SRGAP3: variants seen among roughly 807,000 people sequenced by gnomAD.
The protein encoded by SRGAP3 is SLIT-ROBO Rho GTPase activating protein 3.
Under a neutral mutation model 121.1 loss-of-function variants are expected in SRGAP3, and 39 were observed. The observed-to-expected ratio is 0.32, with a 90% CI of 0.25 to 0.42. The LOEUF is 0.42. Ranked by LOEUF, SRGAP3 falls within the 10% of genes least tolerant of loss-of-function variation. The pLI, the probability that SRGAP3 is intolerant of heterozygous loss-of-function variation, is 1.00. For synonymous variants in SRGAP3, 601 were observed against 570.0 expected (o/e 1.05, Z -0.77); for missense variants, 1,213 against 1,470.6 (o/e 0.82, Z 2.86).
At chr3:9,072,269 T>A (rs1430048868) in intron 4 of SRGAP3, among the ~76,000 whole-genome samples, 1 of 152,210 alleles carries the variant, frequency 6.6e-6, no homozygotes, top group Non-Finnish European at 1.5e-5. Context: ...GTCGATCAGA[T>A]ACCATCTCTT....
intron 1 of SRGAP3, among the ~76,000 whole-genome samples, chr3:9,127,941 AGGAGG>A (rs1166027672): frequency 6.4e-5 from 9 of 141,536 alleles, no homozygotes; most frequent in South Asian, 5.1e-4. Flanking sequence ...GTGAGGAGAG[AGGAGG>A]GGAGGGGAGG....
intron 1 of SRGAP3, among the ~76,000 whole-genome samples, chr3:9,136,172 C>T (rs1949639629): frequency 6.6e-6 from 1 of 152,180 alleles, no homozygotes; most frequent in Non-Finnish European, 1.5e-5. Flanking sequence ...GCCTGGCCCA[C>T]GTTTCGCTCC....
At chr3:9,211,299 G>C (rs1199864904) in intron 1 of SRGAP3, among the ~76,000 whole-genome samples, 1 of 152,134 alleles carries the variant, frequency 6.6e-6, no homozygotes, top group Non-Finnish European at 1.5e-5. Context: ...AAGATGTATG[G>C]AATCTCTCAT....
upstream of SRGAP3, among the ~76,000 whole-genome samples, chr3:9,252,602 CCA>C (rs1235628932): frequency 1.3e-5 from 2 of 152,106 alleles, no homozygotes; most frequent in African/African-American, 2.4e-5. Context: ...AAATCCATCA[CCA>C]CACACAATAA....
intron 1 of SRGAP3, chr3:9,348,835 C>A: frequency 7.5e-7 from 1 of 1,336,130 alleles, no homozygotes; most frequent in Non-Finnish European, 1.1e-6. Flanking sequence ...ACCATCCTTT[C>A]TACAACATCA....
At chr3:9,360,922 C>T (rs1442823672) in intron 1 of SRGAP3, among the ~76,000 whole-genome samples, 1 of 152,176 alleles carries the variant, frequency 6.6e-6, no homozygotes, top group Non-Finnish European at 1.5e-5. Flanking sequence ...TCCATTGCCC[C>T]ACATACTCAT....
intron 8 of SRGAP3, among the ~76,000 whole-genome samples, chr3:9,054,417 A>C (rs1945724192): frequency 6.6e-6 from 1 of 150,416 alleles, no homozygotes; most frequent in Non-Finnish European, 1.5e-5. Flanking sequence ...TTAGACAATA[A>C]CTTAACTCTT....
At chr3:9,302,972 A>ACCATTT (rs752831794) in intron 3 of SRGAP3, among the ~76,000 whole-genome samples, 87 of 139,928 alleles carry the variant, frequency 6.2e-4, no homozygotes, top group Non-Finnish European at 1.1e-3. Context: ...CACTTTTGAA[A>ACCATTT]TAGTAAATGG....
chr3:8,988,147 G>A (rs1470333667), intron 21 of SRGAP3, among the ~76,000 whole-genome samples: 2 of 152,180 alleles, frequency 1.3e-5, no homozygotes, highest in Non-Finnish European at 2.9e-5. Context: ...AGAGCTGAGC[G>A]GCAGAGAGGC....
At chr3:9,123,701 T>A (rs1346188052) in intron 2 of SRGAP3, among the ~76,000 whole-genome samples, 1 of 150,408 alleles carries the variant, frequency 6.6e-6, no homozygotes, top group Non-Finnish European at 1.5e-5. Context: ...TGAGACTCTG[T>A]CTCAAAATAT....
chr3:9,299,012 A>G (rs1329890127), intron 3 of SRGAP3, among the ~76,000 whole-genome samples: 1 of 145,702 alleles, frequency 6.9e-6, no homozygotes, highest in Non-Finnish European at 1.5e-5. Flanking sequence ...AGATCATGCC[A>G]CTGCACTCCA....
intron 3 of SRGAP3, among the ~76,000 whole-genome samples, chr3:9,296,611 T>C (rs527787858): frequency 2.1e-4 from 32 of 152,332 alleles, no homozygotes; most frequent in South Asian, 1.9e-3. Context: ...AGGTTCTGGA[T>C]TCAGATTGCC....
chr3:9,274,168 T>C (rs898974955), intron 3 of SRGAP3, among the ~76,000 whole-genome samples: 31 of 152,348 alleles, frequency 2.0e-4, no homozygotes, highest in African/African-American at 6.7e-4. Flanking sequence ...CAAAAATATG[T>C]GACCCAATGT....
intron 1 of SRGAP3, among the ~76,000 whole-genome samples, chr3:9,339,412 T>C (rs1365318470): frequency 6.6e-6 from 1 of 152,166 alleles, no homozygotes; most frequent in Non-Finnish European, 1.5e-5. Context: ...CAAGGTACAG[T>C]GGTTCATGCA....
chr3:9,013,603 T>C (rs369578230), intron 16 of SRGAP3, 68 bp from the exon 17 acceptor site: 1 of 1,584,844 alleles, frequency 6.3e-7, no homozygotes, highest in African/African-American at 1.3e-5. Context: ...TTTTTTTCTT[T>C]TGGGGGACCC....
intron 18 of SRGAP3, among the ~76,000 whole-genome samples, chr3:8,999,044 G>T (rs1475756097): frequency 6.6e-6 from 1 of 152,200 alleles, no homozygotes; most frequent in Non-Finnish European, 1.5e-5. Flanking sequence ...TGACTATATA[G>T]ATATACAATG....
At chr3:9,199,601 G>T (rs781058427) in intron 1 of SRGAP3, among the ~76,000 whole-genome samples, 52 of 152,116 alleles carry the variant, frequency 3.4e-4, no homozygotes, top group Non-Finnish European at 1.3e-4. Flanking sequence ...AATAGGTTCT[G>T]CTTTTGTTTG....
intron 1 of SRGAP3, chr3:9,337,497 G>T (rs567955262): frequency 6.6e-6 from 1 of 152,278 alleles, no homozygotes; most frequent in African/African-American, 2.4e-5. Context: ...AATCCCTCAT[G>T]AATAGATTAA....
chr3:9,099,081 C>A (rs147515553), intron 3 of SRGAP3, among the ~76,000 whole-genome samples: 5 of 152,286 alleles, frequency 3.3e-5, no homozygotes, highest in Admixed American at 3.3e-4. Flanking sequence ...GGCTTTGAAT[C>A]CAAGGCCAGT....
Sources: allele counts gnomAD v4.1 joint callset (sites outside exome capture counted in the v4.1 genomes callset), GRCh38; gene constraint gnomAD v4.1.1; transcripts MANE v1.5; gene names NCBI Gene and HGNC (gene_info 2026-07-23, HGNC 2026-07-21).